CNTNAP2: variants seen among roughly 807,000 people sequenced by gnomAD.
CNTNAP2 encodes contactin associated protein 2.
Under a neutral mutation model 155.2 loss-of-function variants are expected in CNTNAP2, and 98 were observed. The observed-to-expected ratio is 0.63, with a 90% CI of 0.54 to 0.75. The LOEUF (loss-of-function observed/expected upper bound fraction) is 0.75. CNTNAP2 is among the 30% of genes least tolerant of loss of function. The pLI is 0.00. For synonymous variants in CNTNAP2, 651 were observed against 631.2 expected (o/e 1.03, Z -0.47); for missense variants, 1,727 against 1,688.1 (o/e 1.02, Z -0.40).
intron 13 of CNTNAP2, among the ~76,000 whole-genome samples, chr7:147,899,902 AAAAGAAAGAAAG>A (rs1423554593): frequency 1.3e-5 from 2 of 149,978 alleles, no homozygotes; most frequent in Non-Finnish European, 3.0e-5. Flanking sequence ...CAAAAAAAAA[AAAAGAAAGAAAG>A]AAAGAAAGAG....
chr7:146,134,001 G>T (rs1584765451), intron 1 of CNTNAP2, among the ~76,000 whole-genome samples: 1 of 149,346 alleles, frequency 6.7e-6, no homozygotes, highest in Non-Finnish European at 1.5e-5. Context: ...AAATTACCTT[G>T]GGCAGTATGG....
chr7:147,109,673 A>G (rs1800834756), intron 5 of CNTNAP2, among the ~76,000 whole-genome samples: 2 of 152,174 alleles, frequency 1.3e-5, no homozygotes, highest in South Asian at 2.1e-4. Flanking sequence ...ATTGGGCTTA[A>G]CAACATGGAG....
In CNTNAP2 at chr7:146,605,097, A is replaced by G. The variant is rs937944194; in HGVS notation, c.98-169174A>G. The stretch of plus-strand genomic sequence containing the variant: ...AATAAAAAAAAACAACAAAAAAAAA[A>G]AGAAAAAAAAATACTGCAATATCTT... On this transcript the variant is annotated intron_variant, in intron 1 of 23. Transcript: ENST00000361727. Among the ~76,000 whole-genome samples, 137 of 149,916 alleles carry G rather than the reference A, an allele frequency of 9.1e-4. 2 individuals are homozygous for G. The highest frequency in any genetic ancestry group is 3.3e-3 in the African/African-American group (132 of 40,418).
At chr7:148,023,702 A>C (rs1802325068) in intron 15 of CNTNAP2, among the ~76,000 whole-genome samples, 1 of 152,224 alleles carries the variant, frequency 6.6e-6, no homozygotes. Context: ...TTTGTGGCAC[A>C]TGAAGCCATT....
At chr7:147,501,097 G>T (rs991531954) in intron 11 of CNTNAP2, among the ~76,000 whole-genome samples, 3 of 152,028 alleles carry the variant, frequency 2.0e-5, no homozygotes, top group East Asian at 1.9e-4. Context: ...TAGCAAATGT[G>T]ATTACACCGT....
intron 1 of CNTNAP2, among the ~76,000 whole-genome samples, chr7:146,251,144 G>T (rs1799750110): frequency 1.3e-5 from 2 of 151,998 alleles, no homozygotes; most frequent in African/African-American, 4.8e-5. Context: ...ACATCACAAT[G>T]ACACAAAACA....
At chr7:147,302,888 A>G (rs1794969322) in intron 9 of CNTNAP2, among the ~76,000 whole-genome samples, 1 of 152,230 alleles carries the variant, frequency 6.6e-6, no homozygotes, top group Non-Finnish European at 1.5e-5. Flanking sequence ...TATTACCAAG[A>G]AAGCACAGCA....
intron 15 of CNTNAP2, among the ~76,000 whole-genome samples, chr7:147,998,948 A>T (rs1423206417): frequency 6.6e-6 from 1 of 152,240 alleles, no homozygotes; most frequent in African/African-American, 2.4e-5. Context: ...ATCTATGCCT[A>T]TGTAGTTTTT....
At chr7:146,997,955 G>T (rs936412933) in intron 3 of CNTNAP2, among the ~76,000 whole-genome samples, 1 of 151,810 alleles carries the variant, frequency 6.6e-6, no homozygotes, top group Non-Finnish European at 1.5e-5. Context: ...TCTAGCTAAT[G>T]GTTTGTCTAC....
chr7:146,260,151 A>G (rs948639975), intron 1 of CNTNAP2, among the ~76,000 whole-genome samples: 1 of 152,228 alleles, frequency 6.6e-6, no homozygotes, highest in Non-Finnish European at 1.5e-5. Flanking sequence ...CTGAGGGTGC[A>G]TAGAAGACAA....
chr7:146,627,916 A>G (rs1799446469), intron 1 of CNTNAP2, among the ~76,000 whole-genome samples: 1 of 152,054 alleles, frequency 6.6e-6, no homozygotes, highest in African/African-American at 2.4e-5. Flanking sequence ...TCAATTCCTC[A>G]GTTTTGTTCT....
intron 1 of CNTNAP2, among the ~76,000 whole-genome samples, chr7:146,565,172 A>C (rs1330408322): frequency 6.6e-6 from 1 of 151,950 alleles, no homozygotes; most frequent in African/African-American, 2.4e-5. Flanking sequence ...CACGACATTA[A>C]GGGCAAGATA....
At chr7:148,243,790 CAA>C (rs112557110) in intron 20 of CNTNAP2, among the ~76,000 whole-genome samples, 5 of 143,596 alleles carry the variant, frequency 3.5e-5, no homozygotes, top group Non-Finnish European at 3.1e-5. Context: ...CAACTAAAGA[CAA>C]AAAAAAAAGA....
At chr7:146,822,689 A>G (rs1490589338) in intron 2 of CNTNAP2, among the ~76,000 whole-genome samples, 8 of 147,298 alleles carry the variant, frequency 5.4e-5, no homozygotes, top group Non-Finnish European at 1.5e-5. Context: ...AAGCATATTT[A>G]TATATAAATA....
At chr7:146,570,449 A>AT (rs1222391950) in intron 1 of CNTNAP2, among the ~76,000 whole-genome samples, 7 of 152,126 alleles carry the variant, frequency 4.6e-5, no homozygotes, top group African/African-American at 1.2e-4. Flanking sequence ...ATTAAATATC[A>AT]TTTTTTAATC....
chr7:147,229,631 T>C (rs998936655), intron 8 of CNTNAP2, among the ~76,000 whole-genome samples: 1 of 152,220 alleles, frequency 6.6e-6, no homozygotes, highest in Non-Finnish European at 1.5e-5. Context: ...TTGAGAACAA[T>C]GTTTTACTCA....
chr7:147,974,128 A>T (rs1304038685), intron 14 of CNTNAP2, among the ~76,000 whole-genome samples: 2 of 152,210 alleles, frequency 1.3e-5, no homozygotes, highest in Non-Finnish European at 2.9e-5. Context: ...TATTACAAAC[A>T]CTTAAAAATT....
intron 17 of CNTNAP2, among the ~76,000 whole-genome samples, chr7:148,167,913 T>G (rs1023441095): frequency 6.6e-6 from 1 of 152,208 alleles, no homozygotes; most frequent in Admixed American, 6.5e-5. Context: ...ATGAACCCTG[T>G]ATATATAAAT....
intron 14 of CNTNAP2, among the ~76,000 whole-genome samples, chr7:147,963,458 G>C (rs148764910): frequency 9.8e-4 from 149 of 152,240 alleles, no homozygotes; most frequent in Admixed American, 2.1e-3. Flanking sequence ...TACAAGGCTT[G>C]AGGGATGAGT....
Sources: allele counts gnomAD v4.1 joint callset (sites outside exome capture counted in the v4.1 genomes callset), GRCh38; gene constraint gnomAD v4.1.1; transcripts MANE v1.5; gene names NCBI Gene and HGNC (gene_info 2026-07-23, HGNC 2026-07-21).